The following MAGI1 variants were observed in gnomAD, a reference collection of about 807,000 sequenced individuals.
MAGI1 encodes membrane-associated guanylate kinase, WW and PDZ domain-containing protein 1.
MAGI1 carries 58 observed loss-of-function variants against 139.9 expected under a neutral mutation model. That is an observed-to-expected ratio of 0.41 (90% confidence interval 0.34 to 0.52). The LOEUF is 0.52. Ranked by LOEUF, MAGI1 falls within the 20% of genes least tolerant of loss-of-function variation. MAGI1 has a pLI of 0.12. For missense variants in MAGI1, 1,874 were observed against 1,901.6 expected, an observed-to-expected ratio of 0.99 and a Z score of 0.27; for synonymous variants, 812 against 737.9, an observed-to-expected ratio of 1.10 and a Z score of -1.63.
chr3:65,996,908 T>G (rs1289297980), intron 1 of MAGI1, among the ~76,000 whole-genome samples: 4 of 152,250 alleles, frequency 2.6e-5, no homozygotes, highest in African/African-American at 9.6e-5. Flanking sequence ...AAGCAACTCT[T>G]GTGGTTGTCA....
chr3:65,955,903 C>T lies in MAGI1; in HGVS notation c.313+82093G>A, dbSNP rs188649023. 8.7e-4 allele frequency among the ~76,000 whole-genome samples: 133 copies of T among 152,080 alleles called. 1 individual carries two copies. Among genetic ancestry groups the T allele is most frequent in the Middle Eastern group, 3.4e-3 (1 of 294 alleles). ...GTGGAGGATGCAGAGAGTAGATAAA[C>T]GAAAAGCAAAACTTCTCTGTGTCAA... On this transcript the variant is annotated intron_variant, in intron 1 of 22. Transcript: ENST00000402939.
At chr3:65,394,388 C>T (rs1036611100) in intron 13 of MAGI1, among the ~76,000 whole-genome samples, 3 of 152,124 alleles carry the variant, frequency 2.0e-5, no homozygotes, top group Admixed American at 2.0e-4. Context: ...AACTTTATAC[C>T]TCAAACTGGA....
At chr3:65,691,829 C>A (rs1358485824) in intron 1 of MAGI1, among the ~76,000 whole-genome samples, 1 of 152,164 alleles carries the variant, frequency 6.6e-6, no homozygotes, top group Non-Finnish European at 1.5e-5. Context: ...AAGAAAAAGG[C>A]ATGGCTAACT....
chr3:65,455,448 T>C (rs1258390054), intron 5 of MAGI1, among the ~76,000 whole-genome samples: 1 of 152,198 alleles, frequency 6.6e-6, no homozygotes, highest in Non-Finnish European at 1.5e-5. Context: ...GGGTGGTACA[T>C]GCCTGTAACT....
chr3:65,574,319 T>C (rs549567781), intron 2 of MAGI1, among the ~76,000 whole-genome samples: 1 of 150,878 alleles, frequency 6.6e-6, no homozygotes, highest in South Asian at 2.1e-4. Flanking sequence ...ACCTGGGTAA[T>C]AAGTACAGTA....
chr3:65,741,506 T>A (rs2035269281), intron 1 of MAGI1, among the ~76,000 whole-genome samples: 1 of 152,232 alleles, frequency 6.6e-6, no homozygotes, highest in African/African-American at 2.4e-5. Context: ...CAACATTTGA[T>A]GAGCACATTT....
At chr3:65,503,867 A>C (rs2077178202) in intron 2 of MAGI1, among the ~76,000 whole-genome samples, 1 of 152,164 alleles carries the variant, frequency 6.6e-6, no homozygotes, top group Admixed American at 6.5e-5. Context: ...TTGAGTGCCA[A>C]ATCCAAGTAG....
chr3:65,800,349 A>G (rs1324102180), intron 1 of MAGI1, among the ~76,000 whole-genome samples: 2 of 152,222 alleles, frequency 1.3e-5, no homozygotes, highest in East Asian at 3.8e-4. Flanking sequence ...AATATTAAAT[A>G]TAATCAATCC....
intron 5 of MAGI1, among the ~76,000 whole-genome samples, chr3:65,458,004 C>T (rs1383114641): frequency 6.6e-6 from 1 of 152,080 alleles, no homozygotes; most frequent in Non-Finnish European, 1.5e-5. Flanking sequence ...TCCATGGGTT[C>T]AATTGCTTTA....
intron 1 of MAGI1, among the ~76,000 whole-genome samples, chr3:65,734,149 T>C (rs1035851995): frequency 5.3e-5 from 8 of 152,156 alleles, no homozygotes; most frequent in Non-Finnish European, 1.0e-4. Context: ...TCATTTTTCA[T>C]TTGCAGGTTA....
chr3:65,849,043 G>C (rs13075690), intron 1 of MAGI1, among the ~76,000 whole-genome samples: 1 of 29,652 alleles, frequency 3.4e-5, no homozygotes, highest in African/African-American at 1.4e-4. Flanking sequence ...TTTTTTTTGA[G>C]ATGGAGTTTT....
chr3:65,648,661 C>T lies in MAGI1; in HGVS notation c.314-26573G>A, dbSNP rs560978326. On this transcript the variant is annotated intron_variant, in intron 1 of 22. Transcript: ENST00000402939. ...ATTCTCTTCAAACTGCTAGGTTTAA[C>T]GTAATTCCTATCAAAATCCCATGAA... 7.9e-5 allele frequency among the ~76,000 whole-genome samples: 12 copies of T among 152,186 alleles called. No individual in the cohort carries two copies. In the East Asian group the frequency reaches 1.7e-3, roughly 22 times the overall value.
At chr3:65,954,735 A>G (rs2064032056) in intron 1 of MAGI1, among the ~76,000 whole-genome samples, 1 of 152,006 alleles carries the variant, frequency 6.6e-6, no homozygotes, top group Admixed American at 6.6e-5. Context: ...ATCTTAAGTC[A>G]AGTTTCTTAA....
At chr3:65,559,371 CA>C (rs1393246307) in intron 2 of MAGI1, among the ~76,000 whole-genome samples, 1 of 152,164 alleles carries the variant, frequency 6.6e-6, no homozygotes, top group Non-Finnish European at 1.5e-5. Flanking sequence ...ACTTTTAAAT[CA>C]ATCTATCTGA....
At chr3:65,990,778 TG>T (rs1329675233) in intron 1 of MAGI1, among the ~76,000 whole-genome samples, 1 of 152,200 alleles carries the variant, frequency 6.6e-6, no homozygotes, top group Non-Finnish European at 1.5e-5. Flanking sequence ...AATCATATTT[TG>T]GGAAAAATTA....
At chr3:65,745,178 T>G (rs533581886) in intron 1 of MAGI1, among the ~76,000 whole-genome samples, 2 of 152,270 alleles carry the variant, frequency 1.3e-5, no homozygotes, top group African/African-American at 4.8e-5. Context: ...AAATGTTATA[T>G]ACAGGGAACC....
chr3:65,603,742 T>C (rs1005925911), intron 2 of MAGI1, among the ~76,000 whole-genome samples: 2 of 152,212 alleles, frequency 1.3e-5, no homozygotes, highest in African/African-American at 4.8e-5. Flanking sequence ...AAATGTATCA[T>C]AGTTCTGGAG....
intron 1 of MAGI1, among the ~76,000 whole-genome samples, chr3:65,714,793 AAC>A (rs148184628): frequency 6.6e-6 from 1 of 152,042 alleles, no homozygotes; most frequent in African/African-American, 2.4e-5. Context: ...TCATAAAATG[AAC>A]ACACACACAC....
chr3:65,449,576 A>T (rs1575788310), intron 6 of MAGI1, among the ~76,000 whole-genome samples: 1 of 152,088 alleles, frequency 6.6e-6, no homozygotes. Context: ...GGAGTTCGAG[A>T]CCAGCCTGGC....
Sources: allele counts gnomAD v4.1 joint callset (sites outside exome capture counted in the v4.1 genomes callset), GRCh38; gene constraint gnomAD v4.1.1; transcripts MANE v1.5; gene names NCBI Gene and HGNC (gene_info 2026-07-23, HGNC 2026-07-21).